LRRFIP2: variants seen among roughly 807,000 people sequenced by gnomAD.
LRRFIP2 encodes the protein leucine-rich repeat flightless-interacting protein 2.
A neutral mutation model predicts 125.9 loss-of-function variants in LRRFIP2; 109 were observed. The observed-to-expected ratio is 0.87, with a 90% CI of 0.74 to 1.01. The LOEUF (loss-of-function observed/expected upper bound fraction) is 1.01. Ranked by LOEUF, LRRFIP2 falls within the 50% of genes least tolerant of loss-of-function variation. The probability of loss-of-function intolerance (pLI) is 0.00; values close to 1 mark genes in which losing one functional copy is unlikely to be tolerated. For synonymous variants in LRRFIP2, 291 were observed against 293.1 expected, an observed-to-expected ratio of 0.99 and a Z score of 0.07; for missense variants, 850 against 862.3, an observed-to-expected ratio of 0.99 and a Z score of 0.18.
At chr3:37,098,279 GTT>G (rs546182339) in intron 15 of LRRFIP2, among the ~76,000 whole-genome samples, 1 of 143,718 alleles carries the variant, frequency 7.0e-6, no homozygotes, top group Non-Finnish European at 1.5e-5. Flanking sequence ...CGATTGAAAT[GTT>G]TTTTTTTTTA....
chr3:37,056,076 T>G (rs1373953214), intron 25 of LRRFIP2, among the ~76,000 whole-genome samples: 3 of 152,238 alleles, frequency 2.0e-5, no homozygotes, highest in African/African-American at 7.2e-5. Context: ...TGTCTTGGCC[T>G]TCCTAAATCT....
In LRRFIP2 at chr3:37,092,501, A is replaced by G. The variant is rs55729720; in HGVS notation, c.1036-963T>C. ...GGATACAAAAATAACACTTCCTTCAAGAAGGTCATTCTCTCAAGGAAGAAA... is the reference window on the plus strand; with the variant it reads ...GGATACAAAAATAACACTTCCTTCAGGAAGGTCATTCTCTCAAGGAAGAAA... On this transcript the variant is annotated intron_variant, in intron 17 of 27. Transcript: ENST00000336686. Among the ~76,000 whole-genome samples the G allele has an allele frequency of 5.0e-3, 755 of 152,340 alleles. 8 individuals are homozygous for G. The highest frequency in any genetic ancestry group is 7.8e-3 in the Admixed American group (119 of 15,296).
At position 37,115,106 on chromosome 3, in the gene LRRFIP2, G is replaced by A; in HGVS notation, c.331-11C>T. 1 of 1,577,836 alleles carries A rather than the reference G, an allele frequency of 6.3e-7. No homozygotes were observed. The highest frequency in any genetic ancestry group is 8.7e-7 in the Non-Finnish European group (1 of 1,154,904). ...CTTGAACATATCATACTGGGTTTCA[G>A]CAAAACATGAAAGTTGGTTTGTTTC... On this transcript the variant is annotated splice_polypyrimidine_tract_variant and intron_variant, in intron 6 of 27. Coordinates refer to ENST00000336686, the MANE Select transcript of LRRFIP2 (RefSeq NM_006309.4).
intron 1 of LRRFIP2, among the ~76,000 whole-genome samples, chr3:37,167,112 A>C (rs1431240552): frequency 6.6e-6 from 1 of 150,472 alleles, no homozygotes; most frequent in Admixed American, 6.7e-5. Context: ...TGGGAGGATC[A>C]TTTTAGCCCA....
At chr3:37,153,149 C>T (rs1223920146) in intron 1 of LRRFIP2, among the ~76,000 whole-genome samples, 1 of 152,030 alleles carries the variant, frequency 6.6e-6, no homozygotes, top group Non-Finnish European at 1.5e-5. Context: ...ATAATCCCAG[C>T]ACTTTGGGAG....
chr3:37,126,895 G>T (rs944477202), intron 4 of LRRFIP2, among the ~76,000 whole-genome samples: 1 of 148,780 alleles, frequency 6.7e-6, no homozygotes, highest in African/African-American at 2.5e-5. Context: ...AAAGAAAGTT[G>T]CTTGTTTAGC....
intron 15 of LRRFIP2, among the ~76,000 whole-genome samples, chr3:37,098,388 C>CTTTTTTT (rs200770177): frequency 7.0e-6 from 1 of 142,946 alleles, no homozygotes. Flanking sequence ...AATTTTTTTT[C>CTTTTTTT]TTTTTTTTCT....
At chr3:37,059,826 G>A (rs2088043741) in intron 24 of LRRFIP2, among the ~76,000 whole-genome samples, 1 of 151,400 alleles carries the variant, frequency 6.6e-6, no homozygotes, top group African/African-American at 2.4e-5. Context: ...TGGATACATA[G>A]AGATGGCTTC....
intron 1 of LRRFIP2, among the ~76,000 whole-genome samples, chr3:37,157,325 C>CCCAACTACTT (rs1272054236): frequency 1.3e-5 from 2 of 152,114 alleles, no homozygotes; most frequent in Non-Finnish European, 1.5e-5. Context: ...CACCTATAGT[C>CCCAACTACTT]CCAACTACTT....
At chr3:37,110,964 C>A (rs1576770652) in intron 9 of LRRFIP2, 27 bp downstream of exon 9, 8 of 1,607,174 alleles carry the variant, frequency 5.0e-6, no homozygotes, top group Non-Finnish European at 6.8e-6. Flanking sequence ...GAATCAAACA[C>A]ATAAAGCCAA....
chr3:37,103,049 T>G, intron 14 of LRRFIP2, 36 bp from the exon 15 acceptor site: 5 of 1,465,652 alleles, frequency 3.4e-6, no homozygotes, highest in Non-Finnish European at 4.6e-6. Context: ...GCTTTCAAGG[T>G]TAAGAAAAAA....
chr3:37,062,462 G>A (rs917533987), intron 24 of LRRFIP2, among the ~76,000 whole-genome samples: 1 of 152,060 alleles, frequency 6.6e-6, no homozygotes, highest in African/African-American at 2.4e-5. Flanking sequence ...CTAAAGGATG[G>A]GAGCTCCTAG....
intron 2 of LRRFIP2, among the ~76,000 whole-genome samples, chr3:37,132,685 G>A (rs1046138609): frequency 1.3e-5 from 2 of 152,118 alleles, no homozygotes; most frequent in Admixed American, 6.6e-5. Flanking sequence ...GAGTAGCAAG[G>A]AGCCAACACT....
chr3:37,058,399 C>A (rs542028291), intron 25 of LRRFIP2, among the ~76,000 whole-genome samples: 1 of 152,118 alleles, frequency 6.6e-6, no homozygotes, highest in Admixed American at 6.5e-5. Context: ...AACGGCCAGG[C>A]GCGGTGGCTC....
intron 25 of LRRFIP2, among the ~76,000 whole-genome samples, chr3:37,058,436 G>A (rs905657300): frequency 4.6e-5 from 7 of 152,154 alleles, no homozygotes; most frequent in Non-Finnish European, 8.8e-5. Context: ...CACTCTGGGA[G>A]GCTGAGGTGG....
Position 37,075,035 on chromosome 3 carries a change from C to T in LRRFIP2, c.1360G>A (p.Glu454Lys). 1 of 1,611,524 alleles carries T rather than the reference C, an allele frequency of 6.2e-7. No homozygotes were observed. The highest frequency in any genetic ancestry group is 8.5e-7 in the Non-Finnish European group (1 of 1,178,580). Residue 454 changes from glutamate (E) to lysine (K), a missense_variant, in exon 20 of 28, where the codon GAG becomes AAG. Physicochemically the swap from Glu to Lys is moderately conservative, Grantham distance 56. Transcript: ENST00000336686. ...ELKEGLRQRD[E>K]LIEEKQRMQQ... ...GTTCATGTACATACCTCAATAAGCT[C>T]ATCTCTTTGCCGCAGGCCTTCTTTA... is the stretch of plus-strand genomic sequence containing the variant.
intron 19 of LRRFIP2, among the ~76,000 whole-genome samples, chr3:37,080,331 G>A (rs1266118605): frequency 4.6e-5 from 7 of 151,968 alleles, no homozygotes; most frequent in Admixed American, 2.0e-4. Context: ...GGGAGGCAGA[G>A]GTTGCAGTGA....
intron 15 of LRRFIP2, among the ~76,000 whole-genome samples, chr3:37,099,462 T>C (rs571003364): frequency 3.9e-5 from 6 of 152,342 alleles, no homozygotes; most frequent in Admixed American, 3.9e-4. Flanking sequence ...ATTTACAGTG[T>C]AGTTTCTTCA....
At chr3:37,147,401 G>T (rs1036781995) in intron 2 of LRRFIP2, among the ~76,000 whole-genome samples, 1 of 152,136 alleles carries the variant, frequency 6.6e-6, no homozygotes, top group Non-Finnish European at 1.5e-5. Context: ...GCACATGTAC[G>T]TTCACTGGAG....
Sources: allele counts gnomAD v4.1 joint callset (sites outside exome capture counted in the v4.1 genomes callset), GRCh38; gene constraint gnomAD v4.1.1; transcripts MANE v1.5; gene names NCBI Gene and HGNC (gene_info 2026-07-23, HGNC 2026-07-21).